SGCZ: variants seen among roughly 807,000 people sequenced by gnomAD.
SGCZ encodes the protein zeta-sarcoglycan.
Under a neutral mutation model 41.3 loss-of-function variants are expected in SGCZ, and 40 were observed. The ratio of observed to expected loss-of-function variants is 0.97; its 90% confidence interval spans 0.75 to 1.26. SGCZ has a LOEUF of 1.26. Ranked by LOEUF, SGCZ falls within the 50% of genes most tolerant of loss-of-function variation. The pLI, the probability that SGCZ is intolerant of heterozygous loss-of-function variation, is 0.00. For synonymous variants in SGCZ, 206 were observed against 137.5 expected (o/e 1.50, Z -3.49); for missense variants, 552 against 369.8 (o/e 1.49, Z -4.04).
At chr8:14,307,083 A>T (rs1242988673) in intron 3 of SGCZ, among the ~76,000 whole-genome samples, 3 of 152,310 alleles carry the variant, frequency 2.0e-5, no homozygotes, top group Admixed American at 6.5e-5. Context: ...ATTTTATCAG[A>T]AAAAGAGCAA....
intron 2 of SGCZ, among the ~76,000 whole-genome samples, chr8:14,532,870 G>C (rs1256970458): frequency 6.6e-6 from 1 of 151,806 alleles, no homozygotes; most frequent in Non-Finnish European, 1.5e-5. Context: ...TTTGCTCTGA[G>C]CTTACTTGGA....
chr8:14,603,780 G>A (rs765722607), intron 1 of SGCZ, among the ~76,000 whole-genome samples: 4 of 151,966 alleles, frequency 2.6e-5, no homozygotes, highest in Non-Finnish European at 5.9e-5. Context: ...ATTATACCCT[G>A]TTACATGATT....
At chr8:14,507,249 C>T (rs1802332538) in intron 2 of SGCZ, among the ~76,000 whole-genome samples, 1 of 150,924 alleles carries the variant, frequency 6.6e-6, no homozygotes, top group African/African-American at 2.5e-5. Context: ...ACTGCTACTG[C>T]CAACTTGATA....
At chr8:14,416,526 G>A (rs1178553409) in intron 2 of SGCZ, among the ~76,000 whole-genome samples, 1 of 151,822 alleles carries the variant, frequency 6.6e-6, no homozygotes. Flanking sequence ...GGCCCCAGAT[G>A]CCTCCGACAG....
intron 1 of SGCZ, among the ~76,000 whole-genome samples, chr8:14,900,864 A>C (rs113649753): frequency 6.6e-6 from 1 of 152,190 alleles, no homozygotes; most frequent in Non-Finnish European, 1.5e-5. Context: ...CTACTATAGA[A>C]ATGTTGAAAA....
chr8:14,329,355 T>C (rs998166472), intron 2 of SGCZ, among the ~76,000 whole-genome samples: 2 of 152,202 alleles, frequency 1.3e-5, no homozygotes, highest in African/African-American at 4.8e-5. Flanking sequence ...TGAATTACTA[T>C]TGGACCTGGT....
intron 3 of SGCZ, among the ~76,000 whole-genome samples, chr8:14,262,495 A>G (rs6980825): frequency 1 from 152,114 of 152,120 alleles, 76,054 homozygotes; most frequent in Non-Finnish European, 1. Context: ...CATGTGACAA[A>G]TAGCCATAGT....
At chr8:15,142,237 A>C (rs529606190) in intron 1 of SGCZ, among the ~76,000 whole-genome samples, 6 of 152,286 alleles carry the variant, frequency 3.9e-5, no homozygotes, top group African/African-American at 1.4e-4. Context: ...GGGGTAGGGA[A>C]ATAACCCTAG....
intron 3 of SGCZ, among the ~76,000 whole-genome samples, chr8:14,249,355 C>T (rs983957163): frequency 1.3e-5 from 2 of 152,120 alleles, no homozygotes; most frequent in Non-Finnish European, 2.9e-5. Context: ...CTCCAACTGG[C>T]TAACTACAGA....
At chr8:14,201,912 C>G (rs1166499582) in intron 4 of SGCZ, among the ~76,000 whole-genome samples, 2 of 152,102 alleles carry the variant, frequency 1.3e-5, no homozygotes, top group Admixed American at 6.6e-5. Flanking sequence ...AAAAGGTGTA[C>G]TATCTTTGTA....
At chr8:14,390,984 C>G (rs1804750485) in intron 2 of SGCZ, among the ~76,000 whole-genome samples, 1 of 151,938 alleles carries the variant, frequency 6.6e-6, no homozygotes, top group South Asian at 2.1e-4. Flanking sequence ...AATGAAAAAG[C>G]ATAGCAAATA....
At chr8:15,032,278 G>A (rs992107464) in intron 1 of SGCZ, among the ~76,000 whole-genome samples, 30 of 152,076 alleles carry the variant, frequency 2.0e-4, no homozygotes, top group African/African-American at 7.0e-4. Flanking sequence ...GCACCTGGGT[G>A]TAGCAAAGAA....
chr8:14,498,797 C>A (rs969937961), intron 2 of SGCZ, among the ~76,000 whole-genome samples: 1 of 152,066 alleles, frequency 6.6e-6, no homozygotes, highest in East Asian at 1.9e-4. Flanking sequence ...TTTTAAATCT[C>A]CATATTATTG....
intron 1 of SGCZ, among the ~76,000 whole-genome samples, chr8:14,983,936 T>A (rs551271472): frequency 6.6e-6 from 1 of 152,330 alleles, no homozygotes; most frequent in East Asian, 1.9e-4. Context: ...TCTTATTATC[T>A]CAGGTTGTTT....
At chr8:14,478,498 T>A (rs986337750) in intron 2 of SGCZ, among the ~76,000 whole-genome samples, 1 of 152,102 alleles carries the variant, frequency 6.6e-6, no homozygotes, top group African/African-American at 2.4e-5. Context: ...TGGCAGCAGT[T>A]TGAAAAAATC....
chr8:15,230,518 T>C (rs140610855), intron 1 of SGCZ, among the ~76,000 whole-genome samples: 15 of 152,368 alleles, frequency 9.8e-5, no homozygotes, highest in Admixed American at 1.3e-4. Flanking sequence ...CTTGTTTTGA[T>C]GTTCAAATGA....
At chr8:14,784,434 G>C (rs952249176) in intron 1 of SGCZ, among the ~76,000 whole-genome samples, 3 of 151,598 alleles carry the variant, frequency 2.0e-5, no homozygotes, top group Non-Finnish European at 4.4e-5. Context: ...GCTATATCAG[G>C]GTTTTTGTCA....
At chr8:14,112,091 C>G (rs1802388093) in intron 5 of SGCZ, among the ~76,000 whole-genome samples, 1 of 151,914 alleles carries the variant, frequency 6.6e-6, no homozygotes, top group South Asian at 2.1e-4. Context: ...AAAAGGAAAC[C>G]CAAGAAGCAC....
At chr8:14,703,213 CAG>C (rs1018593621) in intron 1 of SGCZ, among the ~76,000 whole-genome samples, 20 of 152,080 alleles carry the variant, frequency 1.3e-4, no homozygotes, top group African/African-American at 4.1e-4. Context: ...TTCATACATG[CAG>C]TGATCTGGTG....
Sources: allele counts gnomAD v4.1 joint callset (sites outside exome capture counted in the v4.1 genomes callset), GRCh38; gene constraint gnomAD v4.1.1; transcripts MANE v1.5; gene names NCBI Gene and HGNC (gene_info 2026-07-23, HGNC 2026-07-21).